Variants in ABCA9 observed in about 807,000 individuals in gnomAD.
The protein encoded by ABCA9 is ATP-binding cassette sub-family A member 9.
A neutral mutation model predicts 205.3 loss-of-function variants in ABCA9; 183 were observed. That is an observed-to-expected ratio of 0.89 (90% confidence interval 0.79 to 1.01). The LOEUF (loss-of-function observed/expected upper bound fraction) is 1.01. ABCA9 is among the 50% of genes least tolerant of loss of function. The pLI is 0.00. For missense variants in ABCA9, 1,805 were observed against 1,912.4 expected (o/e 0.94, Z 1.05); for synonymous variants, 651 against 683.3 (o/e 0.95, Z 0.74).
intron 12 of ABCA9, among the ~76,000 whole-genome samples, chr17:69,028,172 A>G (rs2071052364): frequency 1.3e-5 from 2 of 152,138 alleles, no homozygotes. Context: ...AACCAATTAC[A>G]TAATTTTTTT....
chr17:69,021,739 T>C lies in ABCA9; in HGVS notation c.2401+3A>G. On this transcript the variant is annotated splice_donor_region_variant and intron_variant, in intron 18 of 38. Coordinates refer to ENST00000340001, the MANE Select transcript of ABCA9 (RefSeq NM_080283.4). ...TTTCTTTCTCTTTCTTATTTTTTCTTACCTGATTCATCAATAGTTGATTTT... is the reference window on the plus strand; with the variant it reads ...TTTCTTTCTCTTTCTTATTTTTTCTCACCTGATTCATCAATAGTTGATTTT... 6.5e-7 allele frequency: 1 copy of C among 1,540,912 alleles called. No individual in the cohort carries two copies. Among genetic ancestry groups the C allele is most frequent in the Non-Finnish European group, 8.8e-7 (1 of 1,133,278 alleles).
chr17:69,027,028 G>T lies in ABCA9; in HGVS notation c.1998C>A (p.Asp666Glu). ...ACTGGGTGCTGAAGAGAATTACTCT[G>T]TCTGATTTCCCCTCTTTCAGGAGAT... Reference protein sequence around the residue: ...IWNLLKEGKSDRVILFSTQFI... With the variant: ...IWNLLKEGKSERVILFSTQFI... Residue 666 changes from aspartate to glutamate, a missense_variant, in exon 15 of 39, where the codon GAC (aspartate) becomes GAA (glutamate). Physicochemically the swap from Asp to Glu is conservative, Grantham distance 45. Coordinates refer to ENST00000340001, the MANE Select transcript of ABCA9 (RefSeq NM_080283.4). 1.2e-6 allele frequency: 2 copies of T among 1,614,122 alleles called. No individual in the cohort carries two copies. The highest frequency in any genetic ancestry group is 1.7e-6 in the Non-Finnish European group (2 of 1,179,996).
At chr17:68,986,491 C>T in intron 31 of ABCA9, 167 bp from the exon 32 acceptor site, 1 of 571,448 alleles carries the variant, frequency 1.7e-6, no homozygotes. Flanking sequence ...TAAAAGCCCA[C>T]TTTAAAAGGC....
At chr17:69,067,053 G>A in the ABCA9 span, among the ~76,000 whole-genome samples, 1 of 152,030 alleles carries the variant, frequency 6.6e-6, no homozygotes, top group Non-Finnish European at 1.5e-5. Context: ...TGCTTTAAAT[G>A]TACAAGAGAA....
At chr17:69,002,190 A>G (rs1378144572) in intron 25 of ABCA9, among the ~76,000 whole-genome samples, 23 of 114,248 alleles carry the variant, frequency 2.0e-4, no homozygotes, top group African/African-American at 3.4e-4. Context: ...TTGCTTTTCT[A>G]GTTCTTTTAA....
At chr17:69,059,656 T>A (rs2072171487) in intron 1 of ABCA9, among the ~76,000 whole-genome samples, 1 of 139,914 alleles carries the variant, frequency 7.1e-6, no homozygotes. Context: ...TCTAAACCAT[T>A]AAGTTTGTGG....
intron 6 of ABCA9, chr17:69,043,158 T>C (rs2071601019): frequency 5.4e-6 from 1 of 184,570 alleles, no homozygotes; most frequent in Non-Finnish European, 1.1e-5. Context: ...CATCAGGCAT[T>C]GGATACTCAT....
chr17:69,047,726 C>T (rs1402597113), intron 3 of ABCA9, among the ~76,000 whole-genome samples: 1 of 152,186 alleles, frequency 6.6e-6, no homozygotes, highest in Non-Finnish European at 1.5e-5. Context: ...GCAAAGGTCA[C>T]AAGACATGCC....
chr17:69,000,588 T>G (rs1188929522), intron 25 of ABCA9, among the ~76,000 whole-genome samples: 9 of 144,574 alleles, frequency 6.2e-5, no homozygotes, highest in Admixed American at 4.1e-4. Flanking sequence ...TCTTTTGGCT[T>G]AGGATTGACT....
chr17:68,975,750 C>A lies in ABCA9; in HGVS notation c.*165G>T. On this transcript the variant is annotated 3_prime_UTR_variant, in exon 39 of 39. Transcript: ENST00000340001. ...GGCTTATGCCCTATGATCGCCCTCA[C>A]TGACATCGCCTGTTGTCTCACTGTA... 1.6e-6 allele frequency: 1 copy of A among 621,788 alleles called. No homozygotes were observed. Among genetic ancestry groups the A allele is most frequent in the Non-Finnish European group, 2.8e-6 (1 of 356,502 alleles). The allele number at this position is 621,788 out of a possible 1,614,324, so 38.5% of individuals were successfully genotyped here. A position where few individuals can be genotyped will look rare whatever the true frequency, so the allele number is the denominator to read the frequency against.
At chr17:69,038,850 A>G (rs1275505685) in intron 6 of ABCA9, among the ~76,000 whole-genome samples, 1 of 152,206 alleles carries the variant, frequency 6.6e-6, no homozygotes, top group African/African-American at 2.4e-5. Context: ...CCTTAAGTTG[A>G]TAAGCAACTT....
chr17:68,996,695 G>A (rs1257539666), intron 25 of ABCA9, among the ~76,000 whole-genome samples: 1 of 152,114 alleles, frequency 6.6e-6, no homozygotes, highest in African/African-American at 2.4e-5. Context: ...TGTAGGCATC[G>A]TTGATTTTAT....
intron 10 of ABCA9, among the ~76,000 whole-genome samples, chr17:69,031,769 A>G (rs1434111696): frequency 2.0e-5 from 3 of 152,202 alleles, no homozygotes; most frequent in African/African-American, 7.2e-5. Context: ...GAATAATAGC[A>G]AGGGAGACGA....
intron 3 of ABCA9, among the ~76,000 whole-genome samples, chr17:69,048,260 G>T (rs983062044): frequency 7.9e-5 from 12 of 152,138 alleles, no homozygotes; most frequent in African/African-American, 1.2e-4. Flanking sequence ...ATGAGGTCAG[G>T]TGTGGAATAT....
chr17:68,989,985 G>T, intron 29 of ABCA9, 55 bp from the exon 30 acceptor site: 1 of 1,237,312 alleles, frequency 8.1e-7, no homozygotes, highest in South Asian at 1.3e-5. Context: ...AACTGAGAGG[G>T]TGTTCCACAC....
the ABCA9 span, among the ~76,000 whole-genome samples, chr17:69,072,580 A>G: frequency 2.0e-5 from 3 of 152,268 alleles, no homozygotes; most frequent in South Asian, 2.1e-4. Flanking sequence ...CTGCCTTACA[A>G]GAGCTCCTGA....
intron 13 of ABCA9, 65 bp from the exon 14 acceptor site, chr17:69,027,514 T>C: frequency 6.4e-7 from 1 of 1,572,006 alleles, no homozygotes; most frequent in Non-Finnish European, 8.6e-7. Context: ...CTATCATTTT[T>C]CTGTTCTTTA....
At chr17:69,032,496 A>C (rs2071186619) in intron 9 of ABCA9, 1 of 391,494 alleles carries the variant, frequency 2.6e-6, no homozygotes, top group South Asian at 6.6e-5. Flanking sequence ...AGCATGTAGC[A>C]TTGTTAACTA....
chr17:69,010,831 TTA>T (rs1167288694), intron 23 of ABCA9, among the ~76,000 whole-genome samples: 1 of 152,190 alleles, frequency 6.6e-6, no homozygotes, highest in African/African-American at 2.4e-5. Context: ...TGCGAAAATT[TTA>T]TGCTAGAGCA....
Sources: allele counts gnomAD v4.1 joint callset (sites outside exome capture counted in the v4.1 genomes callset), GRCh38; gene constraint gnomAD v4.1.1; transcripts MANE v1.5; gene names NCBI Gene and HGNC (gene_info 2026-07-23, HGNC 2026-07-21).